Variants in ZNF236 observed in about 807,000 individuals in gnomAD.
ZNF236 encodes the protein regulated by glucose.
In ZNF236, 50 loss-of-function variants were observed where a neutral mutation model predicts 191.2. That is an observed-to-expected ratio of 0.26 (90% CI 0.21 to 0.33). ZNF236 has a LOEUF of 0.33. Ranked by LOEUF, ZNF236 falls within the 10% of genes least tolerant of loss-of-function variation. ZNF236 has a pLI of 1.00. For missense variants in ZNF236, 1,754 were observed against 2,374.5 expected, an observed-to-expected ratio of 0.74 and a Z score of 5.43; for synonymous variants, 907 against 928.8, an observed-to-expected ratio of 0.98 and a Z score of 0.43.
rs148547934 is a variant in ZNF236 at position 76,902,453 on chromosome 18, C to T, written c.1895-1927C>T. 2.6e-3 allele frequency among the ~76,000 whole-genome samples: 397 copies of T among 152,250 alleles called. 5 individuals are homozygous for T. The highest frequency in any genetic ancestry group is 9.1e-3 in the African/African-American group (380 of 41,542). On this transcript the variant is annotated intron_variant, in intron 11 of 30. Transcript: ENST00000320610. ...ACCGAGAGCAATGTGGAAGAGGAAACCTGCATCCAGGGTTCTGCCATCACT... is the reference window on the plus strand; with the variant it reads ...ACCGAGAGCAATGTGGAAGAGGAAATCTGCATCCAGGGTTCTGCCATCACT...
At chr18:76,908,237 T>G (rs971268194) in intron 13 of ZNF236, 83 bp from the exon 14 acceptor site, 1 of 1,480,426 alleles carries the variant, frequency 6.8e-7, no homozygotes. Flanking sequence ...ATTTAATCAA[T>G]GACAACTCTT....
rs1968634196 is a variant in ZNF236 at position 76,960,339 on chromosome 18, T to TC, written c.5243-338dup. ...GTACATGATAGCTCGTGTCAGCCCT[T>TC]CCGTCTCCGCCCTGCCCTAACAGGA... On this transcript the variant is annotated intron_variant, in intron 29 of 30. Transcript: ENST00000320610. This position sits in a 1 kb window ranked among gnomAD's most constrained non-coding sequence, Gnocchi z 4.4. Among the ~76,000 whole-genome samples the TC allele has an allele frequency of 6.6e-6, 1 of 152,204 alleles. No homozygotes were observed. The highest frequency in any genetic ancestry group is 1.5e-5 in the Non-Finnish European group (1 of 68,030).
At chr18:76,837,376 A>C (rs566191200) in intron 1 of ZNF236, among the ~76,000 whole-genome samples, 81 of 147,070 alleles carry the variant, frequency 5.5e-4, no homozygotes, top group East Asian at 2.6e-3. Context: ...CTTTGATCTG[A>C]TTTAATTTTT....
chr18:76,940,464 G>C (rs1187960272), intron 26 of ZNF236, among the ~76,000 whole-genome samples: 3 of 152,220 alleles, frequency 2.0e-5, no homozygotes, highest in Non-Finnish European at 4.4e-5. Context: ...TCCCTGGTGT[G>C]TTTCTTATTG....
In ZNF236 at chr18:76,904,189, T is replaced by C. The variant is rs577246953; in HGVS notation, c.1895-191T>C. Among the ~76,000 whole-genome samples, 395 of 151,810 alleles carry C rather than the reference T, an allele frequency of 2.6e-3. 4 individuals are homozygous for C. The highest frequency in any genetic ancestry group is 4.3e-3 in the Admixed American group (65 of 15,224). Reference sequence around the variant, plus strand: ...TTGTAATGTTATATTATAAATATATTAATTTATAATGTTTCCCCATAGGTA... The same window carrying C: ...TTGTAATGTTATATTATAAATATATCAATTTATAATGTTTCCCCATAGGTA... On this transcript the variant is annotated intron_variant, in intron 11 of 30. Transcript: ENST00000320610.
At chr18:76,944,612 C>G (rs1257677850) in intron 26 of ZNF236, among the ~76,000 whole-genome samples, 3 of 152,076 alleles carry the variant, frequency 2.0e-5, no homozygotes, top group Non-Finnish European at 1.5e-5. Context: ...GAAACCCCGT[C>G]TCTCCTAAAA....
rs1007026081 is a variant in ZNF236 at position 76,910,760 on chromosome 18, C to T, written c.2754C>T (p.Ser918=). Residue 918 remains serine (S), a synonymous_variant, in exon 16 of 31, where the codon AGC becomes AGT. Coordinates refer to ENST00000320610, the MANE Select transcript of ZNF236 (RefSeq NM_001306089.2). ...STLESQALST[S]FHQQSLLQAP... ...TTGAGTCTCAGGCCCTCTCCACAAG[C>T]TTCCACCAGCAGAGCTTGCTGCAGG... The T allele has an allele frequency of 4.3e-6, 7 of 1,614,102 alleles. No individual in the cohort carries two copies. Among genetic ancestry groups the T allele is most frequent in the Non-Finnish European group, 5.9e-6 (7 of 1,180,048 alleles).
intron 3 of ZNF236, among the ~76,000 whole-genome samples, chr18:76,853,588 A>T (rs1490762232): frequency 6.6e-6 from 1 of 152,156 alleles, no homozygotes. Flanking sequence ...TGGTTACCAG[A>T]GGCTGGGGGA....
Position 76,960,539 on chromosome 18 carries a change from C to G in ZNF236, c.5243-140C>G. 1 of 1,119,172 alleles carries G rather than the reference C, an allele frequency of 8.9e-7. No individual in the cohort carries two copies. The highest frequency in any genetic ancestry group is 1.3e-5 in the South Asian group (1 of 75,880). The allele number at this position is 1,119,172 out of a possible 1,614,324, so 69.3% of individuals were successfully genotyped here. A position where few individuals can be genotyped will look rare whatever the true frequency, so the allele number is the denominator to read the frequency against. On this transcript the variant is annotated intron_variant, in intron 29 of 30. Coordinates refer to ENST00000320610, the MANE Select transcript of ZNF236 (RefSeq NM_001306089.2). The surrounding 1 kb of genome is among the most constrained non-coding windows in gnomAD (Gnocchi z 4.4). ...CTGGTCTCCCTATGGCTCCTCCAGC[C>G]CTTTGTTCAGATGACAGCCAGGCTG...
At chr18:76,865,813 G>A (rs1228881219) in intron 3 of ZNF236, among the ~76,000 whole-genome samples, 1 of 152,194 alleles carries the variant, frequency 6.6e-6, no homozygotes, top group South Asian at 2.1e-4. Context: ...TGTAAAGTAT[G>A]CCTCATTAAA....
chr18:76,842,767 C>T lies in ZNF236; in HGVS notation c.56-6759C>T, dbSNP rs1297762927. On this transcript the variant is annotated intron_variant, in intron 1 of 30. Transcript: ENST00000320610. ...ACTCTGTCTCAAAAAAAAAAAAAAG[C>T]GATACCATTCAGAATATATTACTTT... is the stretch of plus-strand genomic sequence containing the variant. 3.3e-5 allele frequency among the ~76,000 whole-genome samples: 5 copies of T among 150,406 alleles called. No individual in the cohort carries two copies. The East Asian group carries it at 5.8e-4, about 18-fold the overall frequency.
At chr18:76,929,323 G>C (rs556595688) in intron 25 of ZNF236, among the ~76,000 whole-genome samples, 1 of 152,094 alleles carries the variant, frequency 6.6e-6, no homozygotes, top group Non-Finnish European at 1.5e-5. Flanking sequence ...ATATAATTCA[G>C]TAACCTTCCT....
intron 1 of ZNF236, among the ~76,000 whole-genome samples, chr18:76,823,121 G>C (rs1380184772): frequency 1.3e-5 from 2 of 151,494 alleles, no homozygotes; most frequent in South Asian, 4.1e-4. Flanking sequence ...CCCGGACGGC[G>C]CCCCCGCCCG....
chr18:76,939,348 C>A (rs1476235736), intron 26 of ZNF236, among the ~76,000 whole-genome samples: 1 of 152,044 alleles, frequency 6.6e-6, no homozygotes, highest in African/African-American at 2.4e-5. Flanking sequence ...CAAAAACAAA[C>A]AAACAAACAA....
intron 4 of ZNF236, 50 bp downstream of exon 4, chr18:76,868,913 A>C: frequency 6.6e-7 from 1 of 1,517,728 alleles, no homozygotes; most frequent in Admixed American, 2.0e-5. Flanking sequence ...ATATGTTAAA[A>C]GCTGGCGCAC....
intron 1 of ZNF236, among the ~76,000 whole-genome samples, chr18:76,835,280 G>A (rs903117238): frequency 2.0e-5 from 3 of 152,076 alleles, no homozygotes; most frequent in East Asian, 1.9e-4. Flanking sequence ...CTTACCTTGA[G>A]TTATTTAATT....
At chr18:76,867,708 T>C (rs1976455998) in intron 3 of ZNF236, among the ~76,000 whole-genome samples, 1 of 152,216 alleles carries the variant, frequency 6.6e-6, no homozygotes, top group African/African-American at 2.4e-5. Flanking sequence ...CAATGGCTAC[T>C]GATGAAGTAA....
At chr18:76,870,679 CCTTT>C (rs1253480382) in intron 4 of ZNF236, among the ~76,000 whole-genome samples, 1 of 151,978 alleles carries the variant, frequency 6.6e-6, no homozygotes, top group Non-Finnish European at 1.5e-5. Flanking sequence ...TGTGCGTGGG[CCTTT>C]CTGAGTGGGG....
chr18:76,907,527 C>T (rs1360066539), intron 13 of ZNF236, among the ~76,000 whole-genome samples: 4 of 152,148 alleles, frequency 2.6e-5, no homozygotes, highest in Non-Finnish European at 5.9e-5. Context: ...TGGGGTTTCA[C>T]CATGTTGGCC....
Sources: allele counts gnomAD v4.1 joint callset (sites outside exome capture counted in the v4.1 genomes callset), GRCh38; gene constraint gnomAD v4.1.1; non-coding constraint Gnocchi (gnomAD v3.1); transcripts MANE v1.5; gene names NCBI Gene and HGNC (gene_info 2026-07-23, HGNC 2026-07-21).